The following CDK14 variants were observed in gnomAD, a reference collection of about 807,000 sequenced individuals.
CDK14 encodes cyclin-dependent kinase 14.
Under a neutral mutation model 60.7 loss-of-function variants are expected in CDK14, and 34 were observed. The observed-to-expected ratio is 0.56, with a 90% confidence interval of 0.43 to 0.75. The LOEUF is 0.75. Among genes scored for constraint, CDK14 ranks in the 30% least tolerant of loss-of-function variants. The pLI is 0.00. For synonymous variants in CDK14, 197 were observed against 203.7 expected, an observed-to-expected ratio of 0.97 and a Z score of 0.28; for missense variants, 482 against 564.1, an observed-to-expected ratio of 0.85 and a Z score of 1.47.
intron 14 of CDK14, among the ~76,000 whole-genome samples, chr7:91,205,827 GCTCTA>G (rs1351940312): frequency 6.6e-6 from 1 of 151,962 alleles, no homozygotes; most frequent in Non-Finnish European, 1.5e-5. Flanking sequence ...AGGGAGTCTT[GCTCTA>G]TTGCCCAGGC....
intron 5 of CDK14, among the ~76,000 whole-genome samples, chr7:90,857,867 T>C (rs1013297501): frequency 2.0e-5 from 3 of 152,198 alleles, no homozygotes. Context: ...AAGTTAGTCA[T>C]GTCTGTCACC....
chr7:91,080,632 G>A lies in CDK14; in HGVS notation c.1154+1152G>A, dbSNP rs148739305. Among the ~76,000 whole-genome samples, 693 of 152,146 alleles carry A rather than the reference G, an allele frequency of 4.6e-3. 3 individuals are homozygous for A. Among genetic ancestry groups the A allele is most frequent in the African/African-American group, 0.015 (642 of 41,494 alleles). On this transcript the variant is annotated intron_variant, in intron 12 of 14. Coordinates refer to ENST00000380050, the MANE Select transcript of CDK14 (RefSeq NM_001287135.2). The stretch of plus-strand genomic sequence containing the variant: ...CTGGTCTAACATATTTTAATTAAGT[G>A]CTTTTATACACCAGATAATATATAC...
chr7:91,131,472 C>T (rs1473931648), intron 14 of CDK14, among the ~76,000 whole-genome samples: 2 of 152,074 alleles, frequency 1.3e-5, no homozygotes, highest in African/African-American at 4.8e-5. Context: ...GGTTCTCAGT[C>T]AAATGGAAAG....
chr7:90,863,020 A>T (rs1791058207), intron 5 of CDK14, among the ~76,000 whole-genome samples, 155 bp from the exon 6 acceptor site: 2 of 152,196 alleles, frequency 1.3e-5, no homozygotes, highest in African/African-American at 4.8e-5. Context: ...TCTCAAAAAA[A>T]GTCTTGTTTT....
intron 14 of CDK14, among the ~76,000 whole-genome samples, chr7:91,190,141 T>C (rs78844404): frequency 1.8e-3 from 270 of 152,366 alleles, no homozygotes; most frequent in African/African-American, 5.7e-3. Context: ...CCTTTATTTC[T>C]TACACCATAT....
At chr7:91,059,188 A>G (rs1284552677) in intron 11 of CDK14, among the ~76,000 whole-genome samples, 2 of 152,140 alleles carry the variant, frequency 1.3e-5, no homozygotes, top group Admixed American at 1.3e-4. Context: ...TAATTTATTT[A>G]CATAGAGGTG....
intron 9 of CDK14, among the ~76,000 whole-genome samples, chr7:90,960,130 A>G (rs972517405): frequency 9.2e-5 from 14 of 152,124 alleles, no homozygotes; most frequent in African/African-American, 3.4e-4. Flanking sequence ...TCATTGTTCC[A>G]AATAAGCTTT....
chr7:90,692,710 T>C, intron 2 of CDK14: 1 of 931,376 alleles, frequency 1.1e-6, no homozygotes, highest in South Asian at 5.0e-5. Context: ...AAATTATATA[T>C]ATAATTTATT....
At position 91,060,467 on chromosome 7, in the gene CDK14, C is replaced by A. The variant is rs530238142; in HGVS notation, c.1105+14507C>A. On this transcript the variant is annotated intron_variant, in intron 11 of 14. Transcript: ENST00000380050. ...TATGATGTTAGCTGGTGATTTTGCG[C>A]GTTAGTTGATGCAGTTTCTTCCTAG... is the stretch of plus-strand genomic sequence containing the variant. Among the ~76,000 whole-genome samples the A allele has an allele frequency of 7.4e-4, 113 of 152,168 alleles. No individual in the cohort carries two copies. In the East Asian group the frequency reaches 0.021, roughly 29 times the overall value.
chr7:91,199,119 A>C (rs1802638920), intron 14 of CDK14, among the ~76,000 whole-genome samples: 1 of 152,194 alleles, frequency 6.6e-6, no homozygotes, highest in Non-Finnish European at 1.5e-5. Context: ...CTTGGGAGTC[A>C]GTCACTTGTA....
chr7:90,955,859 G>T (rs1315157644), intron 9 of CDK14, 42 bp downstream of exon 9: 3 of 1,607,134 alleles, frequency 1.9e-6, no homozygotes, highest in Middle Eastern at 1.7e-4. Flanking sequence ...TATCTGTAGT[G>T]CTTGGTCTGG....
chr7:90,928,218 C>G (rs1793482973), intron 8 of CDK14, among the ~76,000 whole-genome samples: 1 of 152,194 alleles, frequency 6.6e-6, no homozygotes, highest in South Asian at 2.1e-4. Flanking sequence ...CTTCTTCTTT[C>G]AACTCATCAA....
chr7:91,087,890 A>G lies in CDK14; in HGVS notation c.1154+8410A>G, dbSNP rs796169376. ...AGTTTCTTCCTAAGAGTGGTGTGTT[A>G]ACAAATAGCGTTGTACATAATTAAT... On this transcript the variant is annotated intron_variant, in intron 12 of 14. Transcript: ENST00000380050. Among the ~76,000 whole-genome samples the G allele has an allele frequency of 4.6e-5, 7 of 152,272 alleles. No homozygotes were observed. The South Asian group carries it at 1.5e-3, about 32-fold the overall frequency.
chr7:90,789,607 AG>A (rs1334955495), intron 4 of CDK14, among the ~76,000 whole-genome samples: 1 of 152,226 alleles, frequency 6.6e-6, no homozygotes, highest in East Asian at 1.9e-4. Context: ...GATGATTTAA[AG>A]TATATGGGTG....
chr7:90,866,959 G>A (rs958056265), intron 6 of CDK14, among the ~76,000 whole-genome samples: 1 of 152,120 alleles, frequency 6.6e-6, no homozygotes, highest in Non-Finnish European at 1.5e-5. Flanking sequence ...TAGATACTAC[G>A]ATCTGGAAGC....
chr7:90,677,885 A>T (rs1801233099), intron 2 of CDK14, among the ~76,000 whole-genome samples: 1 of 152,192 alleles, frequency 6.6e-6, no homozygotes, highest in Admixed American at 6.5e-5. Context: ...GCTCTAGGGC[A>T]TGTCGTTTCT....
At chr7:90,627,610 G>C (rs116645610) in intron 2 of CDK14, among the ~76,000 whole-genome samples, 1 of 152,166 alleles carries the variant, frequency 6.6e-6, no homozygotes, top group African/African-American at 2.4e-5. Context: ...AAAGAGACAT[G>C]AATCTGGCCT....
At chr7:90,724,582 A>G (rs985622103) in intron 2 of CDK14, among the ~76,000 whole-genome samples, 2 of 151,626 alleles carry the variant, frequency 1.3e-5, no homozygotes, top group African/African-American at 4.8e-5. Context: ...AAATTTTCCT[A>G]CAGCTAAAGT....
chr7:90,779,010 T>C (rs1439117951), intron 4 of CDK14, among the ~76,000 whole-genome samples: 1 of 151,980 alleles, frequency 6.6e-6, no homozygotes, highest in East Asian at 1.9e-4. Flanking sequence ...CCCAGCACTT[T>C]GGTAGGCCGA....
Sources: allele counts gnomAD v4.1 joint callset (sites outside exome capture counted in the v4.1 genomes callset), GRCh38; gene constraint gnomAD v4.1.1; transcripts MANE v1.5; gene names NCBI Gene and HGNC (gene_info 2026-07-23, HGNC 2026-07-21).